Variants in MYCBP2 observed in about 807,000 individuals in gnomAD.
MYCBP2 encodes MYC binding protein 2.
A neutral mutation model predicts 525.3 loss-of-function variants in MYCBP2; 120 were observed. The ratio of observed to expected loss-of-function variants is 0.23; its 90% CI spans 0.20 to 0.27. The LOEUF (loss-of-function observed/expected upper bound fraction) is 0.27, where lower values mean the gene tolerates loss of function less well. MYCBP2 is among the 10% of genes least tolerant of loss of function. MYCBP2 has a pLI of 1.00. For synonymous variants in MYCBP2, 1,894 were observed against 1,955.8 expected, an observed-to-expected ratio of 0.97 and a Z score of 0.83; for missense variants, 4,149 against 5,657.1, an observed-to-expected ratio of 0.73 and a Z score of 8.55.
chr13:77,134,837 G>A (rs1052179223), intron 52 of MYCBP2, among the ~76,000 whole-genome samples: 3 of 152,180 alleles, frequency 2.0e-5, no homozygotes, highest in Non-Finnish European at 2.9e-5. Flanking sequence ...CAAATATGGT[G>A]TTTAAATAGA....
intron 1 of MYCBP2, among the ~76,000 whole-genome samples, chr13:77,313,878 T>C (rs753896083): frequency 1.3e-5 from 2 of 151,612 alleles, no homozygotes; most frequent in Middle Eastern, 3.4e-3. Flanking sequence ...GAACAAGATA[T>C]ATAGATGGCA....
At chr13:77,143,275 G>A (rs996980873) in intron 49 of MYCBP2, among the ~76,000 whole-genome samples, 3 of 152,236 alleles carry the variant, frequency 2.0e-5, no homozygotes, top group African/African-American at 7.2e-5. Flanking sequence ...GTGAGTGTGA[G>A]TGGAGTAGGT....
chr13:77,250,293 T>A (rs760044840), intron 15 of MYCBP2, among the ~76,000 whole-genome samples: 4 of 151,734 alleles, frequency 2.6e-5, no homozygotes, highest in Non-Finnish European at 4.4e-5. Context: ...TATTTAACTA[T>A]GAAAGGCCAA....
At position 77,263,707 on chromosome 13, in the gene MYCBP2, C is replaced by CA; in HGVS notation, c.1513dup (p.Cys505LeufsTer24). The CA allele has an allele frequency of 6.2e-7, 1 of 1,613,072 alleles. No homozygotes were observed. Among genetic ancestry groups the CA allele is most frequent in the Non-Finnish European group, 8.5e-7 (1 of 1,179,348 alleles). ...TAGTGAGATACCACAGGCATGTAAG[C>CA]ATTTTCTAGCCAGTTTAAGTTGCAA... is the stretch of plus-strand genomic sequence containing the variant. On this transcript the variant is annotated frameshift_variant, in exon 10 of 83. Coordinates refer to ENST00000544440, the MANE Select transcript of MYCBP2 (RefSeq NM_015057.5). LOFTEE classifies it high-confidence loss of function.
chr13:77,286,789 AAT>A (rs1197559343), intron 3 of MYCBP2, among the ~76,000 whole-genome samples: 4,569 of 42,242 alleles, frequency 0.11, 250 homozygotes, highest in Middle Eastern at 0.12. Flanking sequence ...AAAAAAAAAA[AAT>A]ATATATATAT....
At chr13:77,115,135 G>T (rs1566583873) in intron 55 of MYCBP2, among the ~76,000 whole-genome samples, 1 of 151,802 alleles carries the variant, frequency 6.6e-6, no homozygotes, top group East Asian at 1.9e-4. Flanking sequence ...TGATGAAATG[G>T]TAATCTTAAA....
intron 68 of MYCBP2, among the ~76,000 whole-genome samples, chr13:77,071,237 G>A (rs199562220): frequency 1.2e-4 from 18 of 149,980 alleles, no homozygotes; most frequent in East Asian, 3.9e-4. Context: ...ATATGTGTGT[G>A]TATATATATA....
At chr13:77,293,786 G>A (rs1175926644) in intron 2 of MYCBP2, among the ~76,000 whole-genome samples, 1 of 152,006 alleles carries the variant, frequency 6.6e-6, no homozygotes, top group Non-Finnish European at 1.5e-5. Context: ...CAAGACATCT[G>A]AGCAGCCTCT....
rs572619301 is a variant in MYCBP2, at chr13:77,215,870, C to G, written c.3057+1970G>C. ...TGCTGGGATTATAGGTATGAGCCAC[C>G]ACACCTGGCCTATGATTTCTAAAAT... is the stretch of plus-strand genomic sequence containing the variant. On this transcript the variant is annotated intron_variant, in intron 21 of 82. Transcript: ENST00000544440. Among the ~76,000 whole-genome samples, 48 of 152,266 alleles carry G rather than the reference C, an allele frequency of 3.2e-4. No individual in the cohort carries two copies. In the South Asian group the frequency reaches 6.6e-3, roughly 21 times the overall value.
chr13:77,233,172 T>C lies in MYCBP2; in HGVS notation c.2721A>G (p.Lys907=), dbSNP rs568172259. 4 of 1,613,694 alleles carry C rather than the reference T, an allele frequency of 2.5e-6. No individual in the cohort carries two copies. The East Asian group carries it at 8.9e-5, about 36-fold the overall frequency. Residue 907 remains lysine, a synonymous_variant, in exon 18 of 83, where the codon AAA becomes AAG. Coordinates refer to ENST00000544440, the MANE Select transcript of MYCBP2 (RefSeq NM_015057.5). ...ACCAAATACCTTTGTGCTTGTCCCG[T>C]TTATGCTTTAGCTGTGCTGGATGGG... ...LRSHPAQLKH[K]RDKHKDGSGE...
At chr13:77,156,300 A>T in intron 45 of MYCBP2, 98 bp from the exon 46 acceptor site, 1 of 1,129,624 alleles carries the variant, frequency 8.9e-7, no homozygotes, top group East Asian at 2.6e-5. Context: ...AACTTGTATC[A>T]AACAAAATGC....
At position 77,247,217 on chromosome 13, in the gene MYCBP2, T is replaced by G. The variant is rs369381169; in HGVS notation, c.2382-3266A>C. Among the ~76,000 whole-genome samples, 11 of 152,178 alleles carry G rather than the reference T, an allele frequency of 7.2e-5. No homozygotes were observed. In the East Asian group the frequency reaches 1.7e-3, roughly 24 times the overall value. ...CTCATAAGTAGAAAACCCTAAAGATTGCACTCAAAAAAACCAATAGAGAAA... is the reference window on the plus strand; with the variant it reads ...CTCATAAGTAGAAAACCCTAAAGATGGCACTCAAAAAAACCAATAGAGAAA... On this transcript the variant is annotated intron_variant, in intron 15 of 82. Transcript: ENST00000544440.
At chr13:77,199,185 C>T (rs1423665004) in intron 26 of MYCBP2, among the ~76,000 whole-genome samples, 5 of 152,234 alleles carry the variant, frequency 3.3e-5, no homozygotes, top group Non-Finnish European at 5.9e-5. Context: ...TGGGTGTGCG[C>T]ACCATGCGCG....
chr13:77,273,615 C>A lies in MYCBP2; in HGVS notation c.802G>T (p.Asp268Tyr). ...GCTGTTAAGGACTGTCCTGTGCTGT[C>A]ATTCATCCCAGTACTTCGAACGGTG... Reference protein sequence around the residue: ...EITVRSTGMNDSTGQSLTALS... With the variant: ...EITVRSTGMNYSTGQSLTALS... The change falls in exon 5 of 83, where the codon GAC becomes TAC. Residue 268 changes from aspartate to tyrosine, a missense_variant. By Grantham distance (160) the Asp-to-Tyr change is radical. Coordinates refer to ENST00000544440, the MANE Select transcript of MYCBP2 (RefSeq NM_015057.5). The A allele has an allele frequency of 6.3e-7, 1 of 1,592,456 alleles. No individual in the cohort carries two copies. The highest frequency in any genetic ancestry group is 1.2e-5 in the South Asian group (1 of 86,284).
At chr13:77,306,482 C>T (rs2079431797) in intron 1 of MYCBP2, among the ~76,000 whole-genome samples, 1 of 152,020 alleles carries the variant, frequency 6.6e-6, no homozygotes, top group African/African-American at 2.4e-5. Context: ...GAAGTCTTCA[C>T]ATGGGGGGAG....
rs559868530 is a variant in MYCBP2 at position 77,322,600 on chromosome 13, C to G, written c.302+3874G>C. Among the ~76,000 whole-genome samples the G allele has an allele frequency of 1.8e-4, 28 of 152,326 alleles. No individual in the cohort carries two copies. The South Asian group carries it at 5.4e-3, about 29-fold the overall frequency. On this transcript the variant is annotated intron_variant, in intron 1 of 82. Transcript: ENST00000544440. ...ATAACAACAGGTAACATTTCATGGG[C>G]ACTTACCAGGTGCGGACATAATGTC...
In MYCBP2 at chr13:77,058,198, A is replaced by G. The variant is rs919616977; in HGVS notation, c.13329+20T>C. 3 of 1,610,276 alleles carry G rather than the reference A, an allele frequency of 1.9e-6. No homozygotes were observed. The highest frequency in any genetic ancestry group is 1.1e-5 in the South Asian group (1 of 90,714). ...ATCTTAATGTCTGGATACATTCAAT[A>G]CTTTAAAAGCTGAGGCAACCTGAAT... On this transcript the variant is annotated intron_variant, in intron 78 of 82. Coordinates refer to ENST00000544440, the MANE Select transcript of MYCBP2 (RefSeq NM_015057.5). This position sits in a 1 kb window ranked among gnomAD's most constrained non-coding sequence, Gnocchi z 4.1.
chr13:77,140,795 G>T, intron 50 of MYCBP2, 51 bp downstream of exon 50: 2 of 1,359,546 alleles, frequency 1.5e-6, no homozygotes, highest in South Asian at 1.2e-5. Context: ...AAGCATCAGT[G>T]ACAAACGTAA....
At chr13:77,174,211 A>G (rs1938911873) in intron 37 of MYCBP2, 100 bp downstream of exon 37, 1 of 1,040,510 alleles carries the variant, frequency 9.6e-7, no homozygotes, top group African/African-American at 1.6e-5. Flanking sequence ...TACACTGTAC[A>G]ATTTAATTAT....
Sources: gnomAD v4.1 joint callset for allele counts (sites outside exome capture counted in the v4.1 genomes callset) on GRCh38, gnomAD v4.1.1 for gene constraint, Gnocchi (gnomAD v3.1) non-coding constraint, MANE v1.5 for transcripts, NCBI Gene and HGNC (gene_info 2026-07-23, HGNC 2026-07-21) for gene names.